Variants in ROBO2 observed in about 807,000 individuals in gnomAD.
ROBO2 encodes the protein roundabout homolog 2.
ROBO2 carries 53 observed loss-of-function variants against 160.8 expected under a neutral mutation model. That is an observed-to-expected ratio of 0.33 (90% CI 0.26 to 0.41). The LOEUF (loss-of-function observed/expected upper bound fraction) is 0.41, where lower values mean the gene tolerates loss of function less well. Ranked by LOEUF, ROBO2 falls within the 10% of genes least tolerant of loss-of-function variation. The probability of loss-of-function intolerance (pLI) is 1.00; values close to 1 mark genes in which losing one functional copy is unlikely to be tolerated. For missense variants in ROBO2, 1,577 were observed against 1,722.4 expected (o/e 0.92, Z 1.49); for synonymous variants, 664 against 611.7 (o/e 1.09, Z -1.26).
intron 2 of ROBO2, among the ~76,000 whole-genome samples, chr3:76,215,290 A>G (rs1045154349): frequency 6.6e-6 from 1 of 152,190 alleles, no homozygotes; most frequent in African/African-American, 2.4e-5. Context: ...CATCACCAGC[A>G]ATGGAACAAA....
At chr3:77,161,774 A>G (rs2078508926) in intron 2 of ROBO2, among the ~76,000 whole-genome samples, 1 of 151,894 alleles carries the variant, frequency 6.6e-6, no homozygotes, top group African/African-American at 2.4e-5. Context: ...GCAGTCATTC[A>G]ATTTCCCTTA....
intron 5 of ROBO2, among the ~76,000 whole-genome samples, chr3:77,509,727 A>G: frequency 6.6e-6 from 1 of 152,070 alleles, no homozygotes; most frequent in East Asian, 1.9e-4. Flanking sequence ...CCGATGAGAG[A>G]CTATAACCTT....
intron 2 of ROBO2, among the ~76,000 whole-genome samples, chr3:77,450,554 A>G (rs2081011333): frequency 6.6e-6 from 1 of 152,118 alleles, no homozygotes; most frequent in African/African-American, 2.4e-5. Flanking sequence ...TATTACTATT[A>G]GTACTGGTAT....
In ROBO2 at chr3:76,216,671, A is replaced by T. The variant is rs375746162; in HGVS notation, c.109+279069A>T. ...CCAGATTCATAAAGCAAGTCCTTAG[A>T]GACCTACAAAGAGACTTAGACTCCC... On this transcript the variant is annotated intron_variant, in intron 2 of 26. Coordinates refer to the ROBO2 transcript ENST00000487694. Among the ~76,000 whole-genome samples, 5 of 152,264 alleles carry T rather than the reference A, an allele frequency of 3.3e-5. No individual in the cohort carries two copies. The South Asian group carries it at 6.2e-4, about 19-fold the overall frequency.
intron 7 of ROBO2, among the ~76,000 whole-genome samples, chr3:77,548,796 A>AAGAG (rs150882628): frequency 2.7e-5 from 4 of 150,220 alleles, no homozygotes; most frequent in African/African-American, 7.3e-5. Flanking sequence ...GTGGGAGAGA[A>AAGAG]AGAGAGAGAG....
intron 2 of ROBO2, among the ~76,000 whole-genome samples, chr3:76,250,678 G>C (rs932468374): frequency 6.6e-6 from 1 of 151,998 alleles, no homozygotes; most frequent in Non-Finnish European, 1.5e-5. Context: ...AAAATCTGTT[G>C]ACATATCTGG....
chr3:76,953,272 A>G (rs1212715925), intron 2 of ROBO2, among the ~76,000 whole-genome samples: 2 of 152,190 alleles, frequency 1.3e-5, no homozygotes, highest in African/African-American at 4.8e-5. Flanking sequence ...TAAAAAAGAT[A>G]TGGTACTTGA....
intron 2 of ROBO2, among the ~76,000 whole-genome samples, chr3:77,337,449 C>G (rs968701084): frequency 6.6e-6 from 1 of 152,070 alleles, no homozygotes; most frequent in Non-Finnish European, 1.5e-5. Context: ...AAAGGCTGCT[C>G]AAGTTCAAAA....
intron 2 of ROBO2, among the ~76,000 whole-genome samples, chr3:76,213,576 A>G (rs576511301): frequency 3.3e-5 from 5 of 152,286 alleles, no homozygotes; most frequent in South Asian, 4.1e-4. Flanking sequence ...ACCTTTATAC[A>G]TCTATTTTTA....
At chr3:76,763,179 GGTTTTGTCATATACCT>G (rs1560518454) in intron 2 of ROBO2, among the ~76,000 whole-genome samples, 1 of 44,812 alleles carries the variant, frequency 2.2e-5, no homozygotes, top group Admixed American at 2.6e-4. Context: ...CGCACTAAAA[GGTTTTGTCATATACCT>G]GTTGATTTTA....
intron 2 of ROBO2, among the ~76,000 whole-genome samples, chr3:76,243,450 C>T (rs571659297): frequency 1.3e-5 from 2 of 152,214 alleles, no homozygotes; most frequent in Non-Finnish European, 2.9e-5. Flanking sequence ...ACACATCTCT[C>T]ATTATCACTT....
chr3:77,229,693 C>G (rs1205062803), intron 2 of ROBO2, among the ~76,000 whole-genome samples: 1 of 151,498 alleles, frequency 6.6e-6, no homozygotes, highest in East Asian at 1.9e-4. Context: ...GAGAATGGAC[C>G]AAATTGGACT....
intron 6 of ROBO2, among the ~76,000 whole-genome samples, 185 bp from the exon 8 acceptor site, chr3:77,546,153 T>C (rs1021946692): frequency 1.2e-4 from 18 of 152,184 alleles, no homozygotes; most frequent in African/African-American, 4.3e-4. Flanking sequence ...AGTTTGCTTC[T>C]TTCCTCACAT....
chr3:76,760,464 C>G (rs1374515328), intron 2 of ROBO2, among the ~76,000 whole-genome samples: 1 of 151,592 alleles, frequency 6.6e-6, no homozygotes, highest in African/African-American at 2.4e-5. Flanking sequence ...CTTCTATAGC[C>G]AACCTCCTGA....
chr3:77,018,290 G>A (rs1157439259), intron 2 of ROBO2, among the ~76,000 whole-genome samples: 2 of 151,852 alleles, frequency 1.3e-5, no homozygotes, highest in Admixed American at 1.3e-4. Context: ...TCACTATGTT[G>A]GCCAGACTAT....
At chr3:76,552,708 T>C (rs2108375734) in intron 2 of ROBO2, among the ~76,000 whole-genome samples, 1 of 152,306 alleles carries the variant, frequency 6.6e-6, no homozygotes, top group Non-Finnish European at 1.5e-5. Flanking sequence ...ATATAATCTA[T>C]ATTTGAGTGG....
chr3:76,173,904 G>A (rs902990552), intron 2 of ROBO2, among the ~76,000 whole-genome samples: 2 of 152,142 alleles, frequency 1.3e-5, no homozygotes, highest in African/African-American at 4.8e-5. Flanking sequence ...GGGTCAAATA[G>A]TATTTCTGGT....
intron 4 of ROBO2, among the ~76,000 whole-genome samples, chr3:77,490,339 C>G (rs1483664374): frequency 6.6e-6 from 1 of 152,040 alleles, no homozygotes; most frequent in Non-Finnish European, 1.5e-5. Flanking sequence ...ATCTGCCCAC[C>G]TCGGCCTCCG....
intron 2 of ROBO2, among the ~76,000 whole-genome samples, chr3:75,998,529 GC>G (rs769691436): frequency 3.3e-5 from 5 of 152,092 alleles, no homozygotes; most frequent in Non-Finnish European, 7.4e-5. Context: ...TGAGCATATG[GC>G]CTGCAAAGCT....
Sources: gnomAD v4.1 joint callset for allele counts (sites outside exome capture counted in the v4.1 genomes callset) on GRCh38, gnomAD v4.1.1 for gene constraint, MANE v1.5 for transcripts, NCBI Gene and HGNC (gene_info 2026-07-23, HGNC 2026-07-21) for gene names.